Variants in RNF130 observed in about 807,000 individuals in gnomAD.
RNF130 encodes the protein ring finger protein 130.
RNF130 carries 21 observed loss-of-function variants against 44.6 expected under a neutral mutation model. That is an observed-to-expected ratio of 0.47 (90% confidence interval 0.33 to 0.68). The LOEUF (loss-of-function observed/expected upper bound fraction) is 0.68. RNF130 is among the 30% of genes least tolerant of loss of function. RNF130 has a pLI of 0.02. For synonymous variants in RNF130, 214 were observed against 210.4 expected (o/e 1.02, Z -0.15); for missense variants, 479 against 560.6 (o/e 0.85, Z 1.47).
At chr5:180,038,039 C>T (rs1764288466) in intron 2 of RNF130, among the ~76,000 whole-genome samples, 1 of 152,016 alleles carries the variant, frequency 6.6e-6, no homozygotes, top group Admixed American at 6.6e-5. Flanking sequence ...CAAAATAAAA[C>T]AGGGTTTTTT....
intron 1 of RNF130, among the ~76,000 whole-genome samples, chr5:180,065,220 G>C (rs1765073893): frequency 6.6e-6 from 1 of 151,808 alleles, no homozygotes; most frequent in Non-Finnish European, 1.5e-5. Context: ...TCCTTTCATG[G>C]AAAATTTTCC....
chr5:179,967,815 G>A (rs1449735899), intron 6 of RNF130, among the ~76,000 whole-genome samples: 8 of 152,168 alleles, frequency 5.3e-5, no homozygotes, highest in Non-Finnish European at 1.2e-4. Context: ...CAAAAGAACT[G>A]TTTCAGGTCA....
chr5:179,973,710 G>C (rs1290631900), intron 5 of RNF130, among the ~76,000 whole-genome samples: 1 of 152,128 alleles, frequency 6.6e-6, no homozygotes, highest in Non-Finnish European at 1.5e-5. Flanking sequence ...TCAGAAAGAG[G>C]CACCTGGGGC....
intron 1 of RNF130, among the ~76,000 whole-genome samples, chr5:180,046,728 A>G (rs1764575241): frequency 6.6e-6 from 1 of 152,106 alleles, no homozygotes; most frequent in African/African-American, 2.4e-5. Flanking sequence ...TTCTGCCAAA[A>G]TGTCTTCTCC....
intron 1 of RNF130, among the ~76,000 whole-genome samples, chr5:180,050,274 T>C (rs931742776): frequency 6.6e-6 from 1 of 151,170 alleles, no homozygotes; most frequent in Non-Finnish European, 1.5e-5. Context: ...GCCGATGGAG[T>C]TCCAGGCCAA....
At chr5:179,954,891 G>A (rs1433252496), downstream of RNF130, among the ~76,000 whole-genome samples, 1 of 152,162 alleles carries the variant, frequency 6.6e-6, no homozygotes, top group African/African-American at 2.4e-5. Flanking sequence ...CATATAATTC[G>A]ATGTAACAAA....
At chr5:179,934,955 G>C (rs527621222) in intron 7 of RNF130, among the ~76,000 whole-genome samples, 3 of 151,856 alleles carry the variant, frequency 2.0e-5, no homozygotes, top group Non-Finnish European at 4.4e-5. Flanking sequence ...CAAATGCTTC[G>C]AACTTTTCGC....
exon 8 of RNF130, chr5:179,918,311 T>C (rs901419374): frequency 6.6e-6 from 1 of 152,240 alleles, no homozygotes; most frequent in African/African-American, 2.4e-5. Context: ...TTTGTACTTC[T>C]TCTCACGTAA....
intron 7 of RNF130, among the ~76,000 whole-genome samples, chr5:179,949,267 ATTTTT>A (rs770299135): frequency 1.4e-5 from 2 of 143,540 alleles, no homozygotes; most frequent in East Asian, 4.1e-4. Context: ...TGCCCAGACA[ATTTTT>A]TTTTTTTTTT....
At chr5:179,982,999 A>G (rs1314765765) in intron 3 of RNF130, among the ~76,000 whole-genome samples, 2 of 152,044 alleles carry the variant, frequency 1.3e-5, no homozygotes, top group Admixed American at 6.5e-5. Flanking sequence ...TGTTTTGCCT[A>G]TATGTGTACA....
At chr5:180,048,014 T>TTA (rs1764608142) in intron 1 of RNF130, among the ~76,000 whole-genome samples, 2 of 151,958 alleles carry the variant, frequency 1.3e-5, no homozygotes, top group Admixed American at 6.6e-5. Flanking sequence ...TTTTTTTTTT[T>TTA]ATTGGAACAA....
chr5:179,987,058 G>C (rs1427268269), intron 3 of RNF130, among the ~76,000 whole-genome samples: 1 of 151,806 alleles, frequency 6.6e-6, no homozygotes, highest in South Asian at 2.1e-4. Flanking sequence ...TGAACTCTTT[G>C]TTTTTTTTCT....
downstream of RNF130, among the ~76,000 whole-genome samples, chr5:179,952,725 T>A (rs556774291): frequency 6.6e-6 from 1 of 152,302 alleles, no homozygotes; most frequent in South Asian, 2.1e-4. Context: ...TAGGATAGAA[T>A]AGAATAAAGG....
At chr5:180,070,654 A>G (rs1187711833) in intron 1 of RNF130, among the ~76,000 whole-genome samples, 1 of 152,222 alleles carries the variant, frequency 6.6e-6, no homozygotes. Flanking sequence ...AAACCCAAAA[A>G]ATCATATTCC....
chr5:179,959,699 G>A (rs1338501819), intron 8 of RNF130, among the ~76,000 whole-genome samples: 1 of 151,794 alleles, frequency 6.6e-6, no homozygotes, highest in African/African-American at 2.4e-5. Flanking sequence ...CATTCTTTTT[G>A]TATAAATAAA....
At chr5:180,007,540 T>C (rs551877964) in intron 3 of RNF130, among the ~76,000 whole-genome samples, 1 of 152,350 alleles carries the variant, frequency 6.6e-6, no homozygotes, top group Admixed American at 6.5e-5. Context: ...CACCTTCTTA[T>C]TAAACTTTAA....
intron 3 of RNF130, among the ~76,000 whole-genome samples, chr5:179,989,001 G>A (rs1360825382): frequency 6.6e-6 from 1 of 152,154 alleles, no homozygotes; most frequent in Non-Finnish European, 1.5e-5. Context: ...ATGCTGCTAT[G>A]AGGAAATACC....
chr5:180,057,972 T>C (rs1764878337), intron 1 of RNF130, among the ~76,000 whole-genome samples: 1 of 152,206 alleles, frequency 6.6e-6, no homozygotes, highest in Non-Finnish European at 1.5e-5. Flanking sequence ...GGGTCTGCGC[T>C]AACTTTACCA....
intron 6 of RNF130, among the ~76,000 whole-genome samples, chr5:179,968,648 A>G (rs943188240): frequency 2.7e-5 from 4 of 150,460 alleles, no homozygotes; most frequent in Admixed American, 2.6e-4. Flanking sequence ...CCTGGGTGAC[A>G]AAGGGAGACT....
Sources: gnomAD v4.1 joint callset for allele counts (sites outside exome capture counted in the v4.1 genomes callset) on GRCh38, gnomAD v4.1.1 for gene constraint, MANE v1.5 for transcripts, NCBI Gene and HGNC (gene_info 2026-07-23, HGNC 2026-07-21) for gene names.